Variants in SSH1 observed in about 807,000 individuals in gnomAD.
SSH1 encodes protein phosphatase Slingshot homolog 1.
SSH1 carries 43 observed loss-of-function variants against 79.7 expected under a neutral mutation model. That is an observed-to-expected ratio of 0.54 (90% confidence interval 0.42 to 0.70). The LOEUF is 0.70. SSH1 is among the 30% of genes least tolerant of loss of function. The probability of loss-of-function intolerance (pLI) is 0.00; values close to 1 mark genes in which losing one functional copy is unlikely to be tolerated. For synonymous variants in SSH1, 599 were observed against 538.3 expected (o/e 1.11, Z -1.56); for missense variants, 1,206 against 1,358.8 (o/e 0.89, Z 1.77).
At chr12:108,816,324 A>T (rs1416692355) in intron 5 of SSH1, among the ~76,000 whole-genome samples, 3 of 152,246 alleles carry the variant, frequency 2.0e-5, no homozygotes, top group Non-Finnish European at 4.4e-5. Context: ...GGAGAATGCA[A>T]ATAAATCATA....
chr12:108,788,544 A>G lies in SSH1; in HGVS notation c.2594T>C (p.Leu865Pro). ...IPEESQDPAA[L>P]HELGPLVMPS... ...CATAACCAGGGGGCCCAGCTCGTGG[A>G]GCGCGGCTGGATCCTGGCTCTCCTC... Residue 865 changes from leucine (L) to proline (P), a missense_variant, in exon 15 of 15, where the codon CTC becomes CCC. Leu to Pro is a moderately conservative substitution (Grantham distance 98). Around this residue, in one of 5 missense-constraint regions of SSH1, gnomAD observed 709 missense variants for 730.6 expected, o/e 0.97. Transcript: ENST00000326495. 6.3e-7 allele frequency: 1 copy of G among 1,575,870 alleles called. No homozygotes were observed. Among genetic ancestry groups the G allele is most frequent in the African/African-American group, 1.4e-5 (1 of 73,792 alleles).
At chr12:108,850,691 G>C (rs1277481375) in intron 2 of SSH1, among the ~76,000 whole-genome samples, 1 of 102,642 alleles carries the variant, frequency 9.7e-6, no homozygotes, top group African/African-American at 4.0e-5. Context: ...GATCTAGGGA[G>C]GGGATTTGGG....
rs2036155446 is a variant in SSH1 at position 108,782,303 on chromosome 12, G to A, written c.*5685C>T. On this transcript the variant is annotated 3_prime_UTR_variant, in exon 15 of 15. Coordinates refer to ENST00000326495, the MANE Select transcript of SSH1 (RefSeq NM_018984.4). ...CTCCAGGGTCCTCCCTCTCCCACCA[G>A]GGCTGGTGGGAGCAGGTTAGATGTT... 2.0e-5 allele frequency: 3 copies of A among 152,020 alleles called. No individual in the cohort carries two copies. Among genetic ancestry groups the A allele is most frequent in the African/African-American group, 7.3e-5 (3 of 41,378 alleles). The allele number at this position is 152,020 out of a possible 1,614,324, so 9.4% of individuals were successfully genotyped here.
chr12:108,842,553 C>T (rs1185367441), intron 2 of SSH1, among the ~76,000 whole-genome samples: 1 of 152,236 alleles, frequency 6.6e-6, no homozygotes, highest in Non-Finnish European at 1.5e-5. Flanking sequence ...CGGGCTGCAG[C>T]ACATGAAGGG....
chr12:108,823,316 TA>T lies in SSH1; in HGVS notation c.155del (p.Leu52TyrfsTer29). 6.3e-7 allele frequency: 1 copy of T among 1,587,952 alleles called. No homozygotes were observed. The highest frequency in any genetic ancestry group is 1.1e-5 in the South Asian group (1 of 87,060). On this transcript the variant is annotated frameshift_variant, in exon 3 of 15. Coordinates refer to ENST00000326495, the MANE Select transcript of SSH1 (RefSeq NM_018984.4). LOFTEE classifies it high-confidence loss of function. ...FFMVKGAALFLQQGSSPQGQR... is the reference protein window; with the variant it reads ...FFMVKGAALFXQQGSSPQGQR... ...GGCCTTGAGGGCTGCTTCCCTGTTG[TA>T]AGAAGAGGGCTGCGCCTTTCACCAT...
chr12:108,828,868 G>A (rs2137217200), intron 2 of SSH1, among the ~76,000 whole-genome samples: 1 of 152,310 alleles, frequency 6.6e-6, no homozygotes, highest in East Asian at 1.9e-4. Flanking sequence ...TGTGGCCAAG[G>A]CTGTAGGAGG....
In SSH1 at chr12:108,788,540, G is replaced by C. The variant is rs142995244; in HGVS notation, c.2598C>G (p.His866Gln). 1 of 1,572,966 alleles carries C rather than the reference G, an allele frequency of 6.4e-7. No individual in the cohort carries two copies. The highest frequency in any genetic ancestry group is 1.8e-5 in the Admixed American group (1 of 55,076). Residue 866 changes from histidine to glutamine, a missense_variant, in exon 15 of 15, where the codon CAC becomes CAG. Coordinates refer to ENST00000326495, the MANE Select transcript of SSH1 (RefSeq NM_018984.4). ...PEESQDPAALHELGPLVMPSQ... is the reference protein window; with the variant it reads ...PEESQDPAALQELGPLVMPSQ... ...TGGGCATAACCAGGGGGCCCAGCTC[G>C]TGGAGCGCGGCTGGATCCTGGCTCT...
rs777783349 is a variant in SSH1, at chr12:108,806,405, A to G, written c.732-11T>C. 4.3e-6 allele frequency: 7 copies of G among 1,613,648 alleles called. No individual in the cohort carries two copies. Among genetic ancestry groups the G allele is most frequent in the Non-Finnish European group, 5.1e-6 (6 of 1,179,560 alleles). On this transcript the variant is annotated splice_polypyrimidine_tract_variant and intron_variant, in intron 8 of 14. Transcript: ENST00000326495. ...TCCCCTTCAGTGGGCCTGGAAAGAA[A>G]TGACGTTTAGGAGAGCAAGGAGCTG... is the stretch of plus-strand genomic sequence containing the variant.
Position 108,788,403 on chromosome 12 carries a change from G to A in SSH1, c.2735C>T (p.Ser912Leu). 1.5e-5 allele frequency: 24 copies of A among 1,610,428 alleles called. No individual in the cohort carries two copies. The highest frequency in any genetic ancestry group is 2.0e-5 in the Non-Finnish European group (24 of 1,178,726). The change falls in exon 15 of 15, where the codon TCA becomes TTA. Residue 912 changes from serine to leucine, a missense_variant. Ser to Leu is a moderately radical substitution (Grantham distance 145). This residue lies in a region of SSH1 where 709 missense variants were observed against 730.6 expected (regional missense o/e 0.97). Coordinates refer to ENST00000326495, the MANE Select transcript of SSH1 (RefSeq NM_018984.4). ...FYRLDHTSSFSKDFLKTICYT... is the reference protein window; with the variant it reads ...FYRLDHTSSFLKDFLKTICYT... ...GCAGATGGTCTTCAGAAAGTCTTTT[G>A]AGAAACTACTGGTGTGGTCCAGGCG...
At chr12:108,802,591 C>T (rs1206656846) in intron 10 of SSH1, among the ~76,000 whole-genome samples, 8 of 152,264 alleles carry the variant, frequency 5.3e-5, no homozygotes, top group Non-Finnish European at 1.5e-5. Flanking sequence ...GGAAGGGTCC[C>T]GGCCCTCACT....
chr12:108,806,322 T>C lies in SSH1; in HGVS notation c.804A>G (p.Leu268=). The C allele has an allele frequency of 6.2e-7, 1 of 1,614,170 alleles. No homozygotes were observed. The highest frequency in any genetic ancestry group is 8.5e-7 in the Non-Finnish European group (1 of 1,180,030). The change falls in exon 9 of 15, where the codon CTA becomes CTG. Residue 268 remains leucine (L), a synonymous_variant. Coordinates refer to ENST00000326495, the MANE Select transcript of SSH1 (RefSeq NM_018984.4). ...TTACCTCTTTGGAAGTCACATTTTC[T>C]AGATCCTGGCTCATCATGATGCTTC... ...KLRSIMMSQD[L]ENVTSKEIRN...
chr12:108,783,991 A>T lies in SSH1; in HGVS notation c.*3997T>A, dbSNP rs1192735858. On this transcript the variant is annotated 3_prime_UTR_variant, in exon 15 of 15. Transcript: ENST00000326495. Reference sequence around the variant, plus strand: ...TCCCCTCGCTGAGTTGCGTGTTTAGAGGAGCCCTGCTAGGTGGCCAGCCAA... The same window carrying T: ...TCCCCTCGCTGAGTTGCGTGTTTAGTGGAGCCCTGCTAGGTGGCCAGCCAA... 1 of 152,212 alleles carries T rather than the reference A, an allele frequency of 6.6e-6. No homozygotes were observed. 9.4% of individuals were successfully genotyped at this position (152,212 alleles called of 1,614,324 possible). A position where few individuals can be genotyped will look rare whatever the true frequency, so the allele number is the denominator to read the frequency against.
At chr12:108,842,216 A>C (rs2038794657) in intron 2 of SSH1, among the ~76,000 whole-genome samples, 1 of 152,252 alleles carries the variant, frequency 6.6e-6, no homozygotes, top group Admixed American at 6.5e-5. Flanking sequence ...TGCAGAAATA[A>C]AACCCGAGTT....
chr12:108,851,805 C>G (rs1273488507), intron 2 of SSH1, among the ~76,000 whole-genome samples: 1 of 152,074 alleles, frequency 6.6e-6, no homozygotes, highest in Non-Finnish European at 1.5e-5. Flanking sequence ...AAAGTGCTTA[C>G]CGCAAAAGGA....
At chr12:108,796,760 T>A (rs935014983) in intron 13 of SSH1, among the ~76,000 whole-genome samples, 4 of 151,934 alleles carry the variant, frequency 2.6e-5, no homozygotes, top group Non-Finnish European at 5.9e-5. Context: ...TTTTTTTTTT[T>A]AGACGAAGTT....
chr12:108,823,917 T>A (rs2038219569), intron 2 of SSH1, among the ~76,000 whole-genome samples: 1 of 152,210 alleles, frequency 6.6e-6, no homozygotes. Context: ...ATCTGCCTGC[T>A]TAGGCCTCCT....
chr12:108,834,160 T>G (rs1301846751), intron 2 of SSH1: 1 of 152,284 alleles, frequency 6.6e-6, no homozygotes, highest in Admixed American at 6.5e-5. Context: ...AAACCATTCT[T>G]GTATTACCTC....
chr12:108,806,329 T>C lies in SSH1; in HGVS notation c.797A>G (p.Gln266Arg). ...KAKLRSIMMS[Q>R]DLENVTSKEI... ...TTTGGAAGTCACATTTTCTAGATCC[T>C]GGCTCATCATGATGCTTCGGAGCTT... Residue 266 changes from glutamine to arginine, a missense_variant, in exon 9 of 15, where the codon CAG becomes CGG. Physicochemically the swap from Gln to Arg is conservative, Grantham distance 43. This residue lies in a region of SSH1 where 116 missense variants were observed against 109.0 expected (regional missense o/e 1.06). Transcript: ENST00000326495. The C allele has an allele frequency of 6.2e-7, 1 of 1,614,194 alleles. No individual in the cohort carries two copies. The highest frequency in any genetic ancestry group is 8.5e-7 in the Non-Finnish European group (1 of 1,180,038).
At chr12:108,793,140 C>G (rs532478909) in intron 13 of SSH1, among the ~76,000 whole-genome samples, 13 of 152,164 alleles carry the variant, frequency 8.5e-5, no homozygotes, top group Non-Finnish European at 1.8e-4. Context: ...AGTGATGCCT[C>G]ATTGTCACGT....
Sources: gnomAD v4.1 joint callset for allele counts (sites outside exome capture counted in the v4.1 genomes callset) on GRCh38, gnomAD v4.1.1 for gene constraint, gnomAD v4.1.1 regional missense constraint, MANE v1.5 for transcripts, NCBI Gene and HGNC (gene_info 2026-07-23, HGNC 2026-07-21) for gene names.